The following SLAMF1 variants were observed in gnomAD, a reference collection of about 807,000 sequenced individuals.
SLAMF1 encodes signaling lymphocytic activation molecule family member 1, also known as signaling lymphocytic activation molecule.
Under a neutral mutation model 35.1 loss-of-function variants are expected in SLAMF1, and 18 were observed. The observed-to-expected ratio is 0.51, with a 90% CI of 0.35 to 0.76. SLAMF1 has a LOEUF of 0.76. Ranked by LOEUF, SLAMF1 falls within the 30% of genes least tolerant of loss-of-function variation. SLAMF1 has a pLI of 0.01. For synonymous variants in SLAMF1, 168 were observed against 157.2 expected (o/e 1.07, Z -0.51); for missense variants, 392 against 413.0 (o/e 0.95, Z 0.44).
At chr1:160,646,114 C>T (rs762626946) in intron 1 of SLAMF1, among the ~76,000 whole-genome samples, 1 of 152,138 alleles carries the variant, frequency 6.6e-6, no homozygotes, top group Admixed American at 6.5e-5. Context: ...AAAGCAATAG[C>T]CTGCCTTGGG....
intron 3 of SLAMF1, among the ~76,000 whole-genome samples, chr1:160,632,034 G>C (rs1370785528): frequency 6.6e-6 from 1 of 151,816 alleles, no homozygotes; most frequent in Non-Finnish European, 1.5e-5. Context: ...AGGCGCCTGG[G>C]AGAGATCCTT....
chr1:160,624,053 C>A, intron 4 of SLAMF1, 43 bp downstream of exon 4: 1 of 1,402,854 alleles, frequency 7.1e-7, no homozygotes, highest in South Asian at 1.2e-5. Context: ...CCCTGCTTAC[C>A]ACAGAGAGTG....
chr1:160,615,448 G>A (rs1002149506), intron 5 of SLAMF1, among the ~76,000 whole-genome samples: 1 of 152,032 alleles, frequency 6.6e-6, no homozygotes, highest in Non-Finnish European at 1.5e-5. Flanking sequence ...CTAATATGTA[G>A]AGGAGAAAAT....
chr1:160,646,811 A>G (rs1661060556), intron 1 of SLAMF1, 59 bp downstream of exon 1: 1 of 924,986 alleles, frequency 1.1e-6, no homozygotes, highest in Non-Finnish European at 1.8e-6. Context: ...ATCCACGAAG[A>G]TACGCTGATT....
At chr1:160,640,347 TATATATATATATAC>T (rs143787069) in intron 1 of SLAMF1, among the ~76,000 whole-genome samples, 1 of 136,842 alleles carries the variant, frequency 7.3e-6, no homozygotes, top group South Asian at 2.2e-4. Flanking sequence ...TATATATATA[TATATATATATATAC>T]ACACACACAC....
chr1:160,623,955 G>A, intron 4 of SLAMF1, 141 bp downstream of exon 4: 2 of 647,414 alleles, frequency 3.1e-6, no homozygotes, highest in Non-Finnish European at 5.4e-6. Flanking sequence ...CAAGGTCCCA[G>A]GATATGTTTA....
At chr1:160,623,618 T>A (rs1347446294) in intron 4 of SLAMF1, 13 of 399,036 alleles carry the variant, frequency 3.3e-5, no homozygotes, top group African/African-American at 2.7e-4. Flanking sequence ...AGATATTGTA[T>A]CATAGGGAAA....
At position 160,610,764 on chromosome 1, in the gene SLAMF1, G is replaced by A. The variant is rs1195051079; in HGVS notation, c.992C>T (p.Thr331Ile). Residue 331 changes from threonine to isoleucine, a missense_variant, in exon 7 of 7, where the codon ACA becomes ATA. Physicochemically the swap from Thr to Ile is moderately conservative, Grantham distance 89 (BLOSUM62 -1). Coordinates refer to ENST00000302035, the MANE Select transcript of SLAMF1 (RefSeq NM_003037.5). ...TCTCTGGTGTCAGCTCTCTGGAAGT[G>A]TCACACTAGCATAGACTGTGATGGA... ...TNSITVYASV[T>I]LPES 3.7e-6 allele frequency: 6 copies of A among 1,612,988 alleles called. No individual in the cohort carries two copies. The East Asian group carries it at 1.3e-4, about 36-fold the overall frequency.
intron 3 of SLAMF1, among the ~76,000 whole-genome samples, chr1:160,631,818 A>C (rs1432831490): frequency 1.3e-5 from 2 of 152,132 alleles, no homozygotes; most frequent in East Asian, 3.8e-4. Flanking sequence ...TAGCCTCCAG[A>C]ACCAGGAGAA....
At chr1:160,619,675 C>T in intron 5 of SLAMF1, 101 bp downstream of exon 5, 2 of 814,306 alleles carry the variant, frequency 2.5e-6, no homozygotes. Flanking sequence ...CCTTCCTCTG[C>T]TCTGGATGGA....
At chr1:160,640,359 T>TATATACACAC (rs1361053277) in intron 1 of SLAMF1, among the ~76,000 whole-genome samples, 3 of 122,474 alleles carry the variant, frequency 2.4e-5, no homozygotes, top group African/African-American at 9.9e-5. Context: ...TATATATATA[T>TATATACACAC]ACACACACAC....
intron 2 of SLAMF1, 119 bp downstream of exon 2, chr1:160,637,072 G>A: frequency 2.9e-6 from 2 of 682,778 alleles, no homozygotes; most frequent in Non-Finnish European, 5.1e-6. Flanking sequence ...CCCCAAACTA[G>A]AAGATCATTC....
chr1:160,646,926 A>G lies in SLAMF1; in HGVS notation c.20T>C (p.Leu7Pro). MDPKGL[L>P]SLTFVLFLSL... ...GAGAAACAGCACGAAGGTCAAGGAG[A>G]GGAGCCCCTTGGGATCCATCAGCCA... The change falls in exon 1 of 7, where the codon CTC becomes CCC. Residue 7 changes from leucine (L) to proline (P), a missense_variant. Coordinates refer to ENST00000302035, the MANE Select transcript of SLAMF1 (RefSeq NM_003037.5). The G allele has an allele frequency of 1.2e-6, 2 of 1,603,840 alleles. No individual in the cohort carries two copies. The highest frequency in any genetic ancestry group is 1.7e-6 in the Non-Finnish European group (2 of 1,171,402).
Position 160,619,306 on chromosome 1 carries a change from C to A in SLAMF1, c.864+470G>T, listed in dbSNP as rs376275292. ...CACAGTTTTCTTTCTTCCATCTCATCTTTCATCTCTTTAACCACACTCTAG... is the reference window on the plus strand; with the variant it reads ...CACAGTTTTCTTTCTTCCATCTCATATTTCATCTCTTTAACCACACTCTAG... On this transcript the variant is annotated intron_variant, in intron 5 of 6. Coordinates refer to ENST00000302035, the MANE Select transcript of SLAMF1 (RefSeq NM_003037.5). Among the ~76,000 whole-genome samples the A allele has an allele frequency of 5.6e-4, 86 of 152,266 alleles. 3 individuals carry two copies. In the South Asian group the frequency reaches 0.017, roughly 29 times the overall value.
At chr1:160,620,126 T>C (rs1261388567) in intron 4 of SLAMF1, among the ~76,000 whole-genome samples, 3 of 152,248 alleles carry the variant, frequency 2.0e-5, no homozygotes, top group East Asian at 3.8e-4. Context: ...TTTAGAACAC[T>C]GCCTGGTGCA....
intron 5 of SLAMF1, among the ~76,000 whole-genome samples, chr1:160,615,073 G>C (rs1019611359): frequency 6.6e-6 from 1 of 151,950 alleles, no homozygotes; most frequent in African/African-American, 2.4e-5. Context: ...TTCTTTATAA[G>C]ATTATTTTAT....
intron 5 of SLAMF1, among the ~76,000 whole-genome samples, chr1:160,613,933 A>G (rs1411294703): frequency 5.3e-5 from 8 of 152,250 alleles, no homozygotes; most frequent in Admixed American, 5.2e-4. Flanking sequence ...GTGCTTGGGC[A>G]TGGTCTAGAC....
chr1:160,618,095 A>ACGC (rs1659406608), intron 5 of SLAMF1, among the ~76,000 whole-genome samples: 1 of 140,724 alleles, frequency 7.1e-6, no homozygotes, highest in South Asian at 2.4e-4. Context: ...AAAAAACAAA[A>ACGC]AACACGCAAC....
At chr1:160,632,298 G>T (rs1275602282) in intron 3 of SLAMF1, among the ~76,000 whole-genome samples, 1 of 152,122 alleles carries the variant, frequency 6.6e-6, no homozygotes, top group Non-Finnish European at 1.5e-5. Flanking sequence ...TTTTACTGGG[G>T]ATGAAACAGA....
Sources: gnomAD v4.1 joint callset for allele counts (sites outside exome capture counted in the v4.1 genomes callset) on GRCh38, gnomAD v4.1.1 for gene constraint, MANE v1.5 for transcripts, NCBI Gene and HGNC (gene_info 2026-07-23, HGNC 2026-07-21) for gene names.